The following PCCA variants were observed in gnomAD, a reference collection of about 807,000 sequenced individuals.
PCCA encodes propionyl-CoA carboxylase subunit alpha.
In PCCA, 74 loss-of-function variants were observed where a neutral mutation model predicts 101.3. That is an observed-to-expected ratio of 0.73 (90% CI 0.61 to 0.89). The LOEUF (loss-of-function observed/expected upper bound fraction) is 0.89, where lower values mean the gene tolerates loss of function less well. PCCA is among the 40% of genes least tolerant of loss of function. The pLI is 0.00. For missense variants in PCCA, 891 were observed against 907.0 expected, an observed-to-expected ratio of 0.98 and a Z score of 0.23; for synonymous variants, 294 against 313.6, an observed-to-expected ratio of 0.94 and a Z score of 0.66.
intron 6 of PCCA, among the ~76,000 whole-genome samples, chr13:100,193,046 T>C (rs1343785968): frequency 6.6e-6 from 1 of 152,112 alleles, no homozygotes; most frequent in African/African-American, 2.4e-5. Context: ...CACCGAGTAA[T>C]AGATGTGTTC....
chr13:100,296,997 T>C (rs1383676348), intron 12 of PCCA, among the ~76,000 whole-genome samples: 1 of 152,244 alleles, frequency 6.6e-6, no homozygotes, highest in Non-Finnish European at 1.5e-5. Flanking sequence ...AGTTGTGATC[T>C]TAACATTTTT....
At chr13:100,136,692 A>G (rs1306763482) in intron 4 of PCCA, among the ~76,000 whole-genome samples, 2 of 152,198 alleles carry the variant, frequency 1.3e-5, no homozygotes, top group Admixed American at 1.3e-4. Context: ...TTATGCACAT[A>G]GAATTATTCT....
At chr13:100,320,754 G>A (rs573135019) in intron 16 of PCCA, among the ~76,000 whole-genome samples, 3 of 152,112 alleles carry the variant, frequency 2.0e-5, no homozygotes, top group East Asian at 3.9e-4. Context: ...TTTTTGCATC[G>A]ATGTTCATGA....
chr13:100,412,781 T>C (rs1286933655), intron 19 of PCCA, among the ~76,000 whole-genome samples: 2 of 152,162 alleles, frequency 1.3e-5, no homozygotes, highest in African/African-American at 4.8e-5. Flanking sequence ...GGCATCAGTT[T>C]CTATATCTCA....
intron 6 of PCCA, among the ~76,000 whole-genome samples, chr13:100,191,104 A>G (rs1353401966): frequency 6.6e-6 from 1 of 152,198 alleles, no homozygotes; most frequent in Non-Finnish European, 1.5e-5. Context: ...ATAAAACAAA[A>G]CAAAACGCCC....
chr13:100,451,130 C>G (rs146870509), intron 21 of PCCA, among the ~76,000 whole-genome samples: 112 of 152,204 alleles, frequency 7.4e-4, no homozygotes, highest in East Asian at 1.9e-3. Flanking sequence ...GTCTTTTTCT[C>G]TTAAGGCCTT....
At chr13:100,494,624 G>A (rs865804960) in intron 21 of PCCA, among the ~76,000 whole-genome samples, 9 of 151,862 alleles carry the variant, frequency 5.9e-5, no homozygotes, top group South Asian at 4.2e-4. Context: ...CGGAGTTTGC[G>A]GTGAGCCGAG....
chr13:100,364,017 C>A (rs1030500841), intron 18 of PCCA, among the ~76,000 whole-genome samples: 1 of 152,070 alleles, frequency 6.6e-6, no homozygotes, highest in Non-Finnish European at 1.5e-5. Context: ...AGTGGACAGA[C>A]CTGGGTTAGA....
chr13:100,448,070 T>C (rs761688039), intron 20 of PCCA, among the ~76,000 whole-genome samples: 9 of 152,256 alleles, frequency 5.9e-5, no homozygotes, highest in Non-Finnish European at 1.3e-4. Context: ...TGATGCTGGC[T>C]TAGTTAGAAC....
At position 100,515,538 on chromosome 13, in the gene PCCA, G is replaced by GT; in HGVS notation, c.2012dup (p.Ala672GlyfsTer20). ...GCGTTCCCCGATGCCCGGAGTGGTGGTGGCCGTCTCTGTCAAGCCTGGAGA... is the reference window on the plus strand; with the variant it reads ...GCGTTCCCCGATGCCCGGAGTGGTGGTTGGCCGTCTCTGTCAAGCCTGGAGA... On this transcript the variant is annotated frameshift_variant, in exon 22 of 24. Transcript: ENST00000376285. LOFTEE classifies it high-confidence loss of function. 6.2e-7 allele frequency: 1 copy of GT among 1,614,088 alleles called. No homozygotes were observed. The highest frequency in any genetic ancestry group is 1.1e-5 in the South Asian group (1 of 91,080).
At chr13:100,145,155 T>C (rs953206116) in intron 4 of PCCA, among the ~76,000 whole-genome samples, 17 of 152,246 alleles carry the variant, frequency 1.1e-4, no homozygotes, top group African/African-American at 4.1e-4. Context: ...TAAGGACACA[T>C]ATGGTATAAT....
At chr13:100,384,253 T>A (rs2076383957) in intron 19 of PCCA, among the ~76,000 whole-genome samples, 1 of 152,220 alleles carries the variant, frequency 6.6e-6, no homozygotes, top group Non-Finnish European at 1.5e-5. Context: ...CTCGAACTCC[T>A]CACCTCAGGT....
intron 4 of PCCA, among the ~76,000 whole-genome samples, chr13:100,143,932 T>A (rs1362667429): frequency 7.4e-6 from 1 of 135,940 alleles, no homozygotes; most frequent in African/African-American, 2.9e-5. Context: ...TTAAGAGAAA[T>A]TTTTTTTTTT....
chr13:100,296,199 C>G (rs930625000), intron 12 of PCCA, among the ~76,000 whole-genome samples: 8 of 151,854 alleles, frequency 5.3e-5, no homozygotes, highest in African/African-American at 1.5e-4. Context: ...ATATGAAAAA[C>G]AAGTCTTTCT....
At chr13:100,434,202 A>G (rs965591843) in intron 20 of PCCA, among the ~76,000 whole-genome samples, 1 of 152,164 alleles carries the variant, frequency 6.6e-6, no homozygotes, top group African/African-American at 2.4e-5. Context: ...GGGAGGGGTT[A>G]GAGTCCTCTT....
chr13:100,236,875 A>C (rs1167254220), intron 8 of PCCA: 1 of 152,252 alleles, frequency 6.6e-6, no homozygotes, highest in Non-Finnish European at 1.5e-5. Context: ...AATATTGTTA[A>C]ATAACTTTGC....
intron 7 of PCCA, among the ~76,000 whole-genome samples, chr13:100,211,376 A>G (rs2059202783): frequency 6.6e-6 from 1 of 151,970 alleles, no homozygotes; most frequent in Non-Finnish European, 1.5e-5. Context: ...TTCTTTCCTC[A>G]TTCCTACTGA....
intron 12 of PCCA, among the ~76,000 whole-genome samples, chr13:100,291,158 A>G (rs574404981): frequency 6.6e-6 from 1 of 152,190 alleles, no homozygotes. Context: ...CATGCCTGTA[A>G]TCCCAGCACT....
intron 21 of PCCA, among the ~76,000 whole-genome samples, chr13:100,455,696 A>G (rs1321073139): frequency 2.0e-5 from 3 of 151,750 alleles, no homozygotes; most frequent in African/African-American, 7.3e-5. Flanking sequence ...CACATATGCA[A>G]TCGTTTCTTT....
Sources: gnomAD v4.1 joint callset for allele counts (sites outside exome capture counted in the v4.1 genomes callset) on GRCh38, gnomAD v4.1.1 for gene constraint, MANE v1.5 for transcripts, NCBI Gene and HGNC (gene_info 2026-07-23, HGNC 2026-07-21) for gene names.